Variants in DMBT1 observed in about 807,000 individuals in gnomAD.
DMBT1 encodes the protein deleted in malignant brain tumors 1.
In DMBT1, 198 loss-of-function variants were observed where a neutral mutation model predicts 252.9. The ratio of observed to expected loss-of-function variants is 0.78; its 90% CI spans 0.70 to 0.88. The LOEUF is 0.88. Ranked by LOEUF, DMBT1 falls within the 40% of genes least tolerant of loss-of-function variation. The pLI is 0.00. For missense variants in DMBT1, 2,432 were observed against 2,404.7 expected, an observed-to-expected ratio of 1.01 and a Z score of -0.24; for synonymous variants, 990 against 942.7, an observed-to-expected ratio of 1.05 and a Z score of -0.92.
rs778680295 is a variant in DMBT1 at position 122,637,192 on chromosome 10, C to T, written c.6822C>T (p.Gly2274=). The change falls in exon 54 of 56, where the codon GGC becomes GGT. Residue 2274 remains glycine, a synonymous_variant. Transcript: ENST00000338354. ...GCAGGAGCTATCTCCAATCCTTGGG[C>T]TTTTCTGCCAGTGACCTTGTCATTT... ...SVSRSYLQSL[G]FSASDLVIST... 3.1e-6 allele frequency: 5 copies of T among 1,614,022 alleles called. No individual in the cohort carries two copies. The Admixed American group carries it at 5.0e-5, about 16-fold the overall frequency.
At chr10:122,586,479 C>A in intron 16 of DMBT1, 96 bp downstream of exon 16, 1 of 1,505,748 alleles carries the variant, frequency 6.6e-7, no homozygotes, top group South Asian at 1.4e-5. Flanking sequence ...GCTTTTTCAA[C>A]TTTTCCTATA....
At position 122,600,084 on chromosome 10, in the gene DMBT1, C is replaced by G. The variant is rs763253372; in HGVS notation, c.3301C>G (p.Pro1101Ala). The change falls in exon 27 of 56, where the codon CCT (proline) becomes GCT (alanine). Residue 1101 changes from proline (P) to alanine (A), a missense_variant. Around this residue, in one of 3 missense-constraint regions of DMBT1, gnomAD observed 1,264 missense variants for 1,082.2 expected, o/e 1.17. Coordinates refer to ENST00000338354, the MANE Select transcript of DMBT1 (RefSeq NM_001377530.1). ...CACAGCTTCCCAGTCCCGGCCAACA[C>G]CTAGTCCAGGTGGGTCCCCAGTGTC... ...ICSASQSRPT[P>A]SPDTWPTSHA... The G allele has an allele frequency of 2.1e-5, 34 of 1,607,138 alleles. 1 individual carries two copies. Among genetic ancestry groups the G allele is most frequent in the Admixed American group, 5.1e-5 (3 of 58,694 alleles).
Position 122,640,209 on chromosome 10 carries a change from C to T in DMBT1, c.7112C>T (p.Thr2371Ile). Residue 2371 changes from threonine (T) to isoleucine (I), a missense_variant, in exon 55 of 56, where the codon ACC (threonine) becomes ATC (isoleucine). This residue lies in a region of DMBT1 where 1,162 missense variants were observed against 1,169.0 expected (regional missense o/e 0.99). Coordinates refer to ENST00000338354, the MANE Select transcript of DMBT1 (RefSeq NM_001377530.1). ...ANDTIHVANN[T>I]IQVEEVQYGN... ...GACACCATCCACGTTGCTAATAACA[C>T]CATCCAGGTCGAGGAAGTCCAGTAT... 1.2e-6 allele frequency: 2 copies of T among 1,614,064 alleles called. No homozygotes were observed. Among genetic ancestry groups the T allele is most frequent in the Non-Finnish European group, 1.7e-6 (2 of 1,179,902 alleles).
chr10:122,586,404 G>A (rs1350246791), intron 16 of DMBT1, 21 bp downstream of exon 16: 11 of 1,587,310 alleles, frequency 6.9e-6, no homozygotes, highest in South Asian at 3.5e-5. Flanking sequence ...AAGACTTTTG[G>A]TTTCCTCTCT....
At chr10:122,618,366 C>G (rs1367422226) in intron 41 of DMBT1, 26 bp downstream of exon 41, 1 of 1,613,726 alleles carries the variant, frequency 6.2e-7, no homozygotes, top group African/African-American at 1.3e-5. Flanking sequence ...CTTGGGCTCC[C>G]TCTCTTAAGT....
chr10:122,565,351 A>C (rs2097581298), intron 1 of DMBT1, among the ~76,000 whole-genome samples: 1 of 152,194 alleles, frequency 6.6e-6, no homozygotes, highest in Non-Finnish European at 1.5e-5. Context: ...CTGATCTTTG[A>C]AAGACCTCTA....
chr10:122,638,572 G>A (rs2133696626), intron 54 of DMBT1, among the ~76,000 whole-genome samples: 1 of 152,272 alleles, frequency 6.6e-6, no homozygotes, highest in South Asian at 2.1e-4. Context: ...CTCCAGAGTA[G>A]CTGGGACTAT....
rs747949805 is a variant in DMBT1, at chr10:122,619,289, T to A, written c.5216-19T>A. ...CTGTATAGTGCATCTGATCTGACCT[T>A]CTCTTCTCTTTCTCACAGCTGCTCA... On this transcript the variant is annotated intron_variant, in intron 41 of 55. Coordinates refer to ENST00000338354, the MANE Select transcript of DMBT1 (RefSeq NM_001377530.1). 1 of 1,613,868 alleles carries A rather than the reference T, an allele frequency of 6.2e-7. No homozygotes were observed. The highest frequency in any genetic ancestry group is 8.5e-7 in the Non-Finnish European group (1 of 1,179,836).
intron 6 of DMBT1, among the ~76,000 whole-genome samples, chr10:122,574,021 A>G (rs948446835): frequency 1.3e-5 from 2 of 152,084 alleles, no homozygotes; most frequent in African/African-American, 4.8e-5. Flanking sequence ...AGATTCTGTT[A>G]TCTTTGCTTG....
At chr10:122,576,320 A>T (rs903542434) in intron 6 of DMBT1, 79 bp from the exon 7 acceptor site, 2 of 1,552,218 alleles carry the variant, frequency 1.3e-6, no homozygotes, top group South Asian at 1.2e-5. Context: ...CCTATGGGGA[A>T]GACCCTGAAT....
rs371208152 is a variant in DMBT1, at chr10:122,570,158, G to T, written c.92-4G>T. The stretch of plus-strand genomic sequence containing the variant: ...CAATGAGCTCTTCCTTTTCCACCTC[G>T]CAGCTTCACTGATTCCCTCGGAGGT... On this transcript the variant is annotated splice_polypyrimidine_tract_variant and splice_region_variant and intron_variant, in intron 2 of 55. Transcript: ENST00000338354. The T allele has an allele frequency of 3.1e-6, 5 of 1,590,866 alleles. No homozygotes were observed. The highest frequency in any genetic ancestry group is 4.3e-6 in the Non-Finnish European group (5 of 1,159,746).
chr10:122,593,303 G>T (rs1363591342), intron 20 of DMBT1, among the ~76,000 whole-genome samples: 1 of 148,444 alleles, frequency 6.7e-6, no homozygotes, highest in African/African-American at 2.4e-5. Flanking sequence ...CCTAAGATGT[G>T]CAAGGGAGTG....
At position 122,631,001 on chromosome 10, in the gene DMBT1, T is replaced by C; in HGVS notation, c.6066T>C (p.Gly2022=). The C allele has an allele frequency of 6.2e-7, 1 of 1,611,860 alleles. No individual in the cohort carries two copies. The highest frequency in any genetic ancestry group is 8.5e-7 in the Non-Finnish European group (1 of 1,178,086). ...LRLVNLNSSY[G]LCAGRVEIYH... The stretch of plus-strand genomic sequence containing the variant: ...TGGTCAATTTAAATTCATCCTATGG[T>C]CTATGTGCCGGGCGTGTAGAAATTT... Residue 2022 remains glycine, a synonymous_variant, in exon 49 of 56, where the codon GGT becomes GGC. Transcript: ENST00000338354.
Position 122,630,275 on chromosome 10 carries a change from T to A in DMBT1, c.5823-13T>A. On this transcript the variant is annotated splice_polypyrimidine_tract_variant and intron_variant, in intron 47 of 55. Transcript: ENST00000338354. Reference sequence around the variant, plus strand: ...AATTTCAATGTTGACTTGAATACATTTTCTCCATACAGATTGGAGGCACAC... The same window carrying A: ...AATTTCAATGTTGACTTGAATACATATTCTCCATACAGATTGGAGGCACAC... 1.2e-6 allele frequency: 2 copies of A among 1,609,784 alleles called. No individual in the cohort carries two copies. The highest frequency in any genetic ancestry group is 1.3e-5 in the African/African-American group (1 of 74,990).
At chr10:122,619,002 C>A (rs1292460751) in intron 41 of DMBT1, among the ~76,000 whole-genome samples, 1 of 152,214 alleles carries the variant, frequency 6.6e-6, no homozygotes, top group African/African-American at 2.4e-5. Context: ...CTGGAGTGGC[C>A]TCCTCAGCCT....
Position 122,625,278 on chromosome 10 carries a change from C to A in DMBT1, c.5610C>A (p.Ala1870=), listed in dbSNP as rs1195684349. The stretch of plus-strand genomic sequence containing the variant: ...CATGTTTTCTTCTTTTCCTTGCAGC[C>A]ACCCAAATAAATTCTACTACGACAG... ...HHEDAGVICS[A]TQINSTTTDW... The change falls in exon 45 of 56, where the codon GCC becomes GCA. Residue 1870 remains alanine, a splice_region_variant and synonymous_variant. Coordinates refer to ENST00000338354, the MANE Select transcript of DMBT1 (RefSeq NM_001377530.1). 1 of 1,611,184 alleles carries A rather than the reference C, an allele frequency of 6.2e-7. No individual in the cohort carries two copies. Among genetic ancestry groups the A allele is most frequent in the Non-Finnish European group, 8.5e-7 (1 of 1,178,678 alleles).
chr10:122,584,992 C>A (rs895122488), intron 14 of DMBT1, among the ~76,000 whole-genome samples: 7 of 148,968 alleles, frequency 4.7e-5, no homozygotes, highest in African/African-American at 1.7e-4. Context: ...ATGTACCCGT[C>A]AGTGCATGTG....
intron 10 of DMBT1, among the ~76,000 whole-genome samples, chr10:122,580,201 C>T (rs572876416): frequency 2.0e-5 from 3 of 152,232 alleles, no homozygotes; most frequent in South Asian, 2.1e-4. Context: ...CTGAGTAGCA[C>T]GGTGTGAGGG....
intron 25 of DMBT1, among the ~76,000 whole-genome samples, chr10:122,598,479 C>A (rs1426952044): frequency 1.3e-5 from 2 of 152,164 alleles, no homozygotes; most frequent in Non-Finnish European, 2.9e-5. Context: ...CCTACTGTAG[C>A]TGTGTAGCTC....
Sources: gnomAD v4.1 joint callset for allele counts (sites outside exome capture counted in the v4.1 genomes callset) on GRCh38, gnomAD v4.1.1 for gene constraint, gnomAD v4.1.1 regional missense constraint, MANE v1.5 for transcripts, NCBI Gene and HGNC (gene_info 2026-07-23, HGNC 2026-07-21) for gene names.